The following STX12 variants were observed in gnomAD, a reference collection of about 807,000 sequenced individuals.
The protein encoded by STX12 is syntaxin-12.
STX12 carries 17 observed loss-of-function variants against 42.2 expected under a neutral mutation model. That is an observed-to-expected ratio of 0.40 (90% CI 0.28 to 0.60). STX12 has a LOEUF of 0.60. Among genes scored for constraint, STX12 ranks in the 20% least tolerant of loss-of-function variants. The pLI is 0.39. For missense variants in STX12, 297 were observed against 330.9 expected (o/e 0.90, Z 0.79); for synonymous variants, 108 against 116.7 (o/e 0.93, Z 0.48).
At chr1:27,809,018 G>A (rs995383928) in intron 4 of STX12, among the ~76,000 whole-genome samples, 8 of 152,114 alleles carry the variant, frequency 5.3e-5, no homozygotes, top group Non-Finnish European at 1.0e-4. Flanking sequence ...AATCTGCCAC[G>A]ATTTGAAGCA....
chr1:27,792,910 T>C (rs1372648468), intron 2 of STX12, among the ~76,000 whole-genome samples: 1 of 152,230 alleles, frequency 6.6e-6, no homozygotes, highest in African/African-American at 2.4e-5. Flanking sequence ...TCAATTCCCC[T>C]TCCTCCCTAC....
Position 27,789,754 on chromosome 1 carries a change from T to TAAG in STX12, c.188+125_188+127dup. The TAAG allele has an allele frequency of 5.9e-6, 4 of 674,980 alleles. No homozygotes were observed. The East Asian group carries it at 1.1e-4, about 19-fold the overall frequency. The allele number at this position is 674,980 out of a possible 1,614,324, so 41.8% of individuals were successfully genotyped here. ...GAATGAGAGGCAGTGGGTCATGAGATAAGAGCTGGATCTAAAAGAGGGGCG... is the reference window on the plus strand; with the variant it reads ...GAATGAGAGGCAGTGGGTCATGAGATAAGAAGAGCTGGATCTAAAAGAGGGGCG... On this transcript the variant is annotated intron_variant, in intron 2 of 8. Coordinates refer to ENST00000373943, the MANE Select transcript of STX12 (RefSeq NM_177424.3).
At chr1:27,790,395 C>T (rs2088731664) in intron 2 of STX12, among the ~76,000 whole-genome samples, 1 of 152,220 alleles carries the variant, frequency 6.6e-6, no homozygotes, top group Admixed American at 6.5e-5. Flanking sequence ...CTTTTATTCC[C>T]TTATTTGTCC....
At chr1:27,790,451 G>T (rs1172443311) in intron 2 of STX12, among the ~76,000 whole-genome samples, 1 of 152,120 alleles carries the variant, frequency 6.6e-6, no homozygotes, top group Non-Finnish European at 1.5e-5. Flanking sequence ...GCACTGATTG[G>T]TCCATTTTAC....
intron 8 of STX12, among the ~76,000 whole-genome samples, chr1:27,821,659 TG>T (rs2088985472): frequency 1.3e-5 from 2 of 152,176 alleles, no homozygotes; most frequent in African/African-American, 2.4e-5. Flanking sequence ...AAATAATGCC[TG>T]GCAGCACAGG....
chr1:27,784,449 A>G (rs6688915), intron 1 of STX12, among the ~76,000 whole-genome samples: 26,062 of 152,088 alleles, frequency 0.17, 5,959 homozygotes, highest in African/African-American at 0.52. Flanking sequence ...TGAACCCCTG[A>G]CCTCAAGTGA....
At chr1:27,782,693 C>T (rs147436974) in intron 1 of STX12, among the ~76,000 whole-genome samples, 142 of 152,052 alleles carry the variant, frequency 9.3e-4, no homozygotes, top group Middle Eastern at 3.4e-3. Flanking sequence ...CAAATTAGCC[C>T]GGCATGGTGG....
At chr1:27,809,460 CTT>C (rs561726749) in intron 4 of STX12, among the ~76,000 whole-genome samples, 16 of 129,964 alleles carry the variant, frequency 1.2e-4, no homozygotes, top group South Asian at 2.4e-4. Context: ...CTCATATACT[CTT>C]TTTTTTTTTT....
intron 4 of STX12, among the ~76,000 whole-genome samples, chr1:27,802,953 T>C (rs911171418): frequency 1.3e-5 from 2 of 152,154 alleles, no homozygotes; most frequent in South Asian, 2.1e-4. Context: ...TGGAAAGATA[T>C]AATATAGAAA....
intron 3 of STX12, among the ~76,000 whole-genome samples, chr1:27,797,548 T>A (rs2088795763): frequency 6.6e-6 from 1 of 152,156 alleles, no homozygotes; most frequent in Admixed American, 6.5e-5. Context: ...ATCCTCGAAT[T>A]ATTTCACTGT....
At chr1:27,806,776 GA>G (rs1238069282) in intron 4 of STX12, among the ~76,000 whole-genome samples, 1 of 152,162 alleles carries the variant, frequency 6.6e-6, no homozygotes, top group African/African-American at 2.4e-5. Context: ...TGCGTGGCTG[GA>G]TAGGCCTCAG....
intron 4 of STX12, among the ~76,000 whole-genome samples, chr1:27,804,979 C>T (rs938832871): frequency 3.3e-5 from 5 of 151,972 alleles, no homozygotes; most frequent in South Asian, 2.1e-4. Flanking sequence ...TTCACAGGAC[C>T]GCAGGAGAGA....
Position 27,773,355 on chromosome 1 carries a change from G to T in STX12, c.48G>T (p.Gly16=), listed in dbSNP as rs768861047. ...TGTACCGGAACCCGGGGCCCTCGGG[G>T]CCCCAGCTCCGGGACTTCAGCAGCA... ...LDMYRNPGPS[G]PQLRDFSSII... is the part of the protein sequence containing the mutation. Residue 16 remains glycine (G), a synonymous_variant, in exon 1 of 9, where the codon GGG becomes GGT. Coordinates refer to ENST00000373943, the MANE Select transcript of STX12 (RefSeq NM_177424.3). The T allele has an allele frequency of 5.0e-6, 8 of 1,613,092 alleles. No homozygotes were observed. In the South Asian group the frequency reaches 7.7e-5, roughly 16 times the overall value.
Position 27,777,450 on chromosome 1 carries a change from A to T in STX12, c.118+4025A>T, listed in dbSNP as rs573292860. ...CAGAGAGGTAACCAGGGATCACATT[A>T]TATAGGATCTTGATGCATAATAAAT... On this transcript the variant is annotated intron_variant, in intron 1 of 8. Coordinates refer to ENST00000373943, the MANE Select transcript of STX12 (RefSeq NM_177424.3). Among the ~76,000 whole-genome samples the T allele has an allele frequency of 3.3e-5, 5 of 152,328 alleles. No homozygotes were observed. In the East Asian group the frequency reaches 7.7e-4, roughly 23 times the overall value.
At chr1:27,798,123 TATAA>T (rs1403111764) in intron 3 of STX12, among the ~76,000 whole-genome samples, 2 of 152,216 alleles carry the variant, frequency 1.3e-5, no homozygotes, top group African/African-American at 4.8e-5. Flanking sequence ...TTAAGCACTA[TATAA>T]ATATTAGCCA....
chr1:27,787,638 G>T (rs1454876680), intron 1 of STX12, among the ~76,000 whole-genome samples: 1 of 151,234 alleles, frequency 6.6e-6, no homozygotes, highest in African/African-American at 2.4e-5. Context: ...CAGCCTGGCC[G>T]ACAGAGTGAG....
chr1:27,809,631 T>A (rs2088890248), intron 4 of STX12, among the ~76,000 whole-genome samples: 1 of 151,898 alleles, frequency 6.6e-6, no homozygotes, highest in Non-Finnish European at 1.5e-5. Flanking sequence ...TAATTTTTTT[T>A]GTATTTTTAG....
At chr1:27,801,079 T>C (rs1297377330) in intron 3 of STX12, among the ~76,000 whole-genome samples, 1 of 152,176 alleles carries the variant, frequency 6.6e-6, no homozygotes, top group Non-Finnish European at 1.5e-5. Context: ...AAATTCTGAA[T>C]TGCAGTTCTT....
intron 2 of STX12, among the ~76,000 whole-genome samples, chr1:27,791,961 C>T (rs938455444): frequency 6.9e-6 from 1 of 144,020 alleles, no homozygotes; most frequent in Non-Finnish European, 1.5e-5. Context: ...TCCGGCCTGG[C>T]GACAGAGCAA....
Sources: gnomAD v4.1 joint callset for allele counts (sites outside exome capture counted in the v4.1 genomes callset) on GRCh38, gnomAD v4.1.1 for gene constraint, MANE v1.5 for transcripts, NCBI Gene and HGNC (gene_info 2026-07-23, HGNC 2026-07-21) for gene names.